SETD2: variants seen among roughly 807,000 people sequenced by gnomAD.
SETD2 encodes histone-lysine N-methyltransferase SETD2.
SETD2 carries 31 observed loss-of-function variants against 242.1 expected under a neutral mutation model. The ratio of observed to expected loss-of-function variants is 0.13; its 90% CI spans 0.10 to 0.17. The LOEUF is 0.17. Ranked by LOEUF, SETD2 falls within the 10% of genes least tolerant of loss-of-function variation. The pLI, the probability that SETD2 is intolerant of heterozygous loss-of-function variation, is 1.00. For synonymous variants in SETD2, 1,006 were observed against 1,066.5 expected (o/e 0.94, Z 1.11); for missense variants, 2,481 against 3,046.3 (o/e 0.81, Z 4.37).
chr3:47,150,839 G>C (rs987220943), intron 1 of SETD2, among the ~76,000 whole-genome samples: 1 of 151,116 alleles, frequency 6.6e-6, no homozygotes, highest in African/African-American at 2.4e-5. Context: ...AGGATTTCTT[G>C]AGCCTGGGAG....
rs2040594940 is a variant in SETD2, at chr3:47,067,211, G to A, written c.6061-93C>T. 5 of 949,702 alleles carry A rather than the reference G, an allele frequency of 5.3e-6. No individual in the cohort carries two copies. The Admixed American group carries it at 9.3e-5, about 18-fold the overall frequency. 58.8% of individuals were successfully genotyped at this position (949,702 alleles called of 1,614,324 possible). On this transcript the variant is annotated intron_variant, in intron 12 of 20. Transcript: ENST00000409792. ...TGTTTTCACATGACAATAAAGAAAT[G>A]GAAAGTAACAAGCTGGTACTTATTC...
chr3:47,041,825 T>C (rs2039294752), intron 17 of SETD2, among the ~76,000 whole-genome samples: 1 of 152,216 alleles, frequency 6.6e-6, no homozygotes, highest in Non-Finnish European at 1.5e-5. Flanking sequence ...AAATAATGTG[T>C]GTCAAGGATA....
chr3:47,156,236 T>C (rs1052384533), intron 1 of SETD2, among the ~76,000 whole-genome samples: 17 of 152,204 alleles, frequency 1.1e-4, no homozygotes, highest in Admixed American at 4.6e-4. Context: ...TTATTACAAA[T>C]ATCTATTACA....
chr3:47,074,140 T>C (rs562554212), intron 12 of SETD2, among the ~76,000 whole-genome samples: 4 of 152,204 alleles, frequency 2.6e-5, no homozygotes, highest in Non-Finnish European at 4.4e-5. Flanking sequence ...TATGCAGTTC[T>C]GAAAAATAAA....
intron 18 of SETD2, among the ~76,000 whole-genome samples, chr3:47,036,215 T>C (rs900594373): frequency 6.6e-6 from 1 of 152,152 alleles, no homozygotes; most frequent in African/African-American, 2.4e-5. Flanking sequence ...AAAAAAATAT[T>C]AGTCAGGTTT....
At chr3:47,162,640 C>G (rs1697523809) in intron 1 of SETD2, among the ~76,000 whole-genome samples, 2 of 152,170 alleles carry the variant, frequency 1.3e-5, no homozygotes. Context: ...GATTCAAAAA[C>G]GAGCCAGAGC....
chr3:47,154,410 AAAAG>A (rs561016211), intron 1 of SETD2, among the ~76,000 whole-genome samples: 9 of 152,226 alleles, frequency 5.9e-5, no homozygotes, highest in African/African-American at 1.4e-4. Flanking sequence ...CTCCATATCA[AAAAG>A]AAAGAAAGAA....
At chr3:47,087,874 C>CAAG (rs1559706130) in intron 10 of SETD2, among the ~76,000 whole-genome samples, 4 of 151,454 alleles carry the variant, frequency 2.6e-5, no homozygotes, top group African/African-American at 9.7e-5. Flanking sequence ...GACGCTGAGG[C>CAAG]AGAATTGCTT....
At chr3:47,067,419 T>C (rs905827797) in intron 12 of SETD2, among the ~76,000 whole-genome samples, 2 of 140,320 alleles carry the variant, frequency 1.4e-5, no homozygotes, top group African/African-American at 2.7e-5. Flanking sequence ...TTTTTTTTTT[T>C]TTTTTTTTTT....
chr3:47,058,647 G>A (rs187538275), intron 14 of SETD2, among the ~76,000 whole-genome samples: 7 of 150,818 alleles, frequency 4.6e-5, no homozygotes, highest in Admixed American at 4.0e-4. Flanking sequence ...AATGCAATAC[G>A]ACAAGTGAAA....
chr3:47,156,192 C>T (rs755309556), intron 1 of SETD2, among the ~76,000 whole-genome samples: 9 of 152,148 alleles, frequency 5.9e-5, no homozygotes, highest in Non-Finnish European at 1.0e-4. Flanking sequence ...CCTGACAATG[C>T]TCATGGAACA....
At chr3:47,059,862 C>A (rs867971909) in intron 14 of SETD2, among the ~76,000 whole-genome samples, 1 of 152,188 alleles carries the variant, frequency 6.6e-6, no homozygotes, top group African/African-American at 2.4e-5. Flanking sequence ...CACCTCACTG[C>A]AACCTCTGCC....
intron 5 of SETD2, among the ~76,000 whole-genome samples, chr3:47,106,466 CA>C (rs1402140099): frequency 1.2e-5 from 1 of 86,342 alleles, no homozygotes; most frequent in Non-Finnish European, 2.2e-5. Context: ...AATCAAGAGA[CA>C]CTGAAAAGTT....
At chr3:47,137,808 T>C (rs994543023) in intron 1 of SETD2, among the ~76,000 whole-genome samples, 13 of 151,644 alleles carry the variant, frequency 8.6e-5, no homozygotes, top group Admixed American at 6.6e-4. Flanking sequence ...TGCCTCATCC[T>C]CCCAAGTAAC....
intron 1 of SETD2, among the ~76,000 whole-genome samples, chr3:47,133,815 C>A (rs1421333560): frequency 6.6e-6 from 1 of 152,094 alleles, no homozygotes; most frequent in Admixed American, 6.6e-5. Flanking sequence ...AATTTATATT[C>A]TGGTAAGCAC....
Position 47,058,383 on chromosome 3 carries a change from G to A in SETD2, c.6294-893C>T, listed in dbSNP as rs534421637. Among the ~76,000 whole-genome samples, 70 of 137,998 alleles carry A rather than the reference G, an allele frequency of 5.1e-4. 1 individual carries two copies. Among genetic ancestry groups the A allele is most frequent in the African/African-American group, 1.9e-3 (70 of 36,990 alleles). 90.5% of individuals were successfully genotyped at this position (137,998 alleles called of 152,430 possible). ...TTGAACCCAGGAGGCAGAGGTGGGA[G>A]TGAGCTGAGACTACGCCACTGCACT... is the stretch of plus-strand genomic sequence containing the variant. On this transcript the variant is annotated intron_variant, in intron 14 of 20. Transcript: ENST00000409792.
At chr3:47,046,461 G>A (rs2039535247) in intron 16 of SETD2, 26 bp downstream of exon 16, 1 of 1,571,158 alleles carries the variant, frequency 6.4e-7, no homozygotes, top group African/African-American at 1.4e-5. Flanking sequence ...CAGCCAATGA[G>A]TTTTAACAAC....
chr3:47,023,928 G>A (rs1055747738), intron 18 of SETD2, among the ~76,000 whole-genome samples: 3 of 152,284 alleles, frequency 2.0e-5, no homozygotes, highest in East Asian at 3.9e-4. Flanking sequence ...ACTGTAATGT[G>A]TCTCAAGGTA....
At chr3:47,140,564 C>A (rs2043702303) in intron 1 of SETD2, among the ~76,000 whole-genome samples, 1 of 152,140 alleles carries the variant, frequency 6.6e-6, no homozygotes, top group Non-Finnish European at 1.5e-5. Flanking sequence ...GTGAATCACA[C>A]AGAAAGAGTT....
Sources: allele counts gnomAD v4.1 joint callset (sites outside exome capture counted in the v4.1 genomes callset), GRCh38; gene constraint gnomAD v4.1.1; transcripts MANE v1.5; gene names NCBI Gene and HGNC (gene_info 2026-07-23, HGNC 2026-07-21).